The following DLG2 variants were observed in gnomAD, a reference collection of about 807,000 sequenced individuals.
DLG2 encodes discs large MAGUK scaffold protein 2.
DLG2 carries 45 observed loss-of-function variants against 132.5 expected under a neutral mutation model. The ratio of observed to expected loss-of-function variants is 0.34; its 90% CI spans 0.27 to 0.44. The LOEUF (loss-of-function observed/expected upper bound fraction) is 0.44, where lower values mean the gene tolerates loss of function less well. Ranked by LOEUF, DLG2 falls within the 20% of genes least tolerant of loss-of-function variation. The pLI, the probability that DLG2 is intolerant of heterozygous loss-of-function variation, is 1.00. For missense variants in DLG2, 1,045 were observed against 1,196.9 expected (o/e 0.87, Z 1.87); for synonymous variants, 424 against 419.6 (o/e 1.01, Z -0.13).
intron 11 of DLG2, among the ~76,000 whole-genome samples, chr11:83,995,208 A>G (rs1418580785): frequency 1.3e-5 from 2 of 152,136 alleles, no homozygotes; most frequent in African/African-American, 4.8e-5. Context: ...CAAGGATTTC[A>G]CAGACCAATG....
At chr11:85,497,840 G>A (rs528201059) in intron 3 of DLG2, among the ~76,000 whole-genome samples, 10 of 152,306 alleles carry the variant, frequency 6.6e-5, no homozygotes, top group African/African-American at 2.2e-4. Flanking sequence ...AGCTTCATAA[G>A]TGAAGGGGAA....
intron 17 of DLG2, among the ~76,000 whole-genome samples, chr11:83,827,150 C>G (rs1479976781): frequency 6.6e-6 from 1 of 152,096 alleles, no homozygotes; most frequent in African/African-American, 2.4e-5. Flanking sequence ...ATATGAGGAC[C>G]ACTTCAGGAA....
At chr11:85,056,666 T>C (rs939437844) in intron 6 of DLG2, among the ~76,000 whole-genome samples, 6 of 151,728 alleles carry the variant, frequency 4.0e-5, no homozygotes, top group Non-Finnish European at 8.8e-5. Context: ...AAATCCCAAG[T>C]AGGGAAAGTA....
At chr11:84,537,296 G>A (rs183014055) in intron 6 of DLG2, among the ~76,000 whole-genome samples, 61 of 151,930 alleles carry the variant, frequency 4.0e-4, no homozygotes, top group Middle Eastern at 3.4e-3. Context: ...TAGTAGAGCC[G>A]GGGTTTCACC....
intron 6 of DLG2, among the ~76,000 whole-genome samples, chr11:84,751,343 G>A (rs1298205786): frequency 6.6e-6 from 1 of 152,004 alleles, no homozygotes; most frequent in Non-Finnish European, 1.5e-5. Context: ...TTTTTTATAT[G>A]AAGAAACCAA....
At chr11:84,725,444 T>A (rs532202380) in intron 6 of DLG2, among the ~76,000 whole-genome samples, 1 of 152,290 alleles carries the variant, frequency 6.6e-6, no homozygotes, top group East Asian at 1.9e-4. Flanking sequence ...TTTCATTTAA[T>A]CTTTAGTAGA....
At chr11:83,460,232 C>T (rs1275481115) in intron 27 of DLG2, among the ~76,000 whole-genome samples, 1 of 152,248 alleles carries the variant, frequency 6.6e-6, no homozygotes, top group African/African-American at 2.4e-5. Flanking sequence ...TTTATGGGTG[C>T]CTACTCTGAG....
chr11:84,318,101 T>C (rs2098379077), intron 7 of DLG2, among the ~76,000 whole-genome samples: 1 of 152,208 alleles, frequency 6.6e-6, no homozygotes, highest in Non-Finnish European at 1.5e-5. Context: ...AAGTGAAAGA[T>C]GCATCCAACT....
chr11:84,032,611 C>G (rs79866030), intron 11 of DLG2, among the ~76,000 whole-genome samples: 7 of 152,074 alleles, frequency 4.6e-5, no homozygotes, highest in Admixed American at 2.6e-4. Flanking sequence ...GCAAGTTATC[C>G]AGAAGATCTA....
chr11:85,573,458 T>C (rs2077966708), intron 3 of DLG2, among the ~76,000 whole-genome samples: 1 of 152,160 alleles, frequency 6.6e-6, no homozygotes, highest in Admixed American at 6.6e-5. Context: ...GTGACTATAG[T>C]AGAATCAAGA....
chr11:85,626,063 C>T (rs780852682), intron 2 of DLG2, among the ~76,000 whole-genome samples: 5 of 152,280 alleles, frequency 3.3e-5, no homozygotes, highest in Middle Eastern at 3.4e-3. Flanking sequence ...ACAATAGTCA[C>T]GAAAGTTGTG....
intron 7 of DLG2, among the ~76,000 whole-genome samples, chr11:84,534,286 A>T (rs2099350290): frequency 6.6e-6 from 1 of 152,182 alleles, no homozygotes. Flanking sequence ...GTTTAAAAAT[A>T]TGTGGTTAGC....
chr11:84,365,766 T>C (rs1232787522), intron 7 of DLG2, among the ~76,000 whole-genome samples: 1 of 152,070 alleles, frequency 6.6e-6, no homozygotes, highest in Admixed American at 6.6e-5. Context: ...CCTTTCGTTA[T>C]GTACCCAGTA....
intron 15 of DLG2, among the ~76,000 whole-genome samples, chr11:83,919,433 T>C (rs2077469998): frequency 6.6e-6 from 1 of 152,100 alleles, no homozygotes; most frequent in African/African-American, 2.4e-5. Context: ...TGGAAAAAAA[T>C]CAGGCTGGAT....
chr11:84,984,323 T>TA (rs2056184844), intron 6 of DLG2, among the ~76,000 whole-genome samples: 2 of 152,332 alleles, frequency 1.3e-5, no homozygotes, highest in East Asian at 3.9e-4. Context: ...TGGGACTCTA[T>TA]ATTCAGCCTC....
intron 19 of DLG2, among the ~76,000 whole-genome samples, chr11:83,600,236 GGT>G (rs57674131): frequency 1.4e-3 from 205 of 145,504 alleles, no homozygotes; most frequent in South Asian, 2.7e-3. Flanking sequence ...CTAGCTATAG[GGT>G]GTGTGTGTGT....
intron 10 of DLG2, among the ~76,000 whole-genome samples, chr11:84,062,200 G>T (rs1429591320): frequency 6.6e-6 from 1 of 152,208 alleles, no homozygotes; most frequent in African/African-American, 2.4e-5. Flanking sequence ...TCCTGAATAT[G>T]TGGATCAAGT....
intron 3 of DLG2, among the ~76,000 whole-genome samples, chr11:85,391,978 G>A (rs1335884518): frequency 6.6e-6 from 1 of 151,998 alleles, no homozygotes; most frequent in Admixed American, 6.6e-5. Context: ...CATCCAAATT[G>A]GTAATGAGGA....
rs944201861 is a variant in DLG2 at position 84,059,214 on chromosome 11, G to C, written c.919+101C>G. The C allele has an allele frequency of 2.5e-6, 3 of 1,177,178 alleles. No homozygotes were observed. In the African/African-American group the frequency reaches 4.7e-5, roughly 18 times the overall value. 72.9% of individuals were successfully genotyped at this position (1,177,178 alleles called of 1,614,324 possible). On this transcript the variant is annotated intron_variant, in intron 11 of 27. Coordinates refer to ENST00000376104, the MANE Select transcript of DLG2 (RefSeq NM_001142699.3). Reference sequence around the variant, plus strand: ...GATTTTAAATCTCTTGGTAAGCACTGAATGTCAGAGGTTAAAGAGTTCATC... The same window carrying C: ...GATTTTAAATCTCTTGGTAAGCACTCAATGTCAGAGGTTAAAGAGTTCATC...
Sources: allele counts gnomAD v4.1 joint callset (sites outside exome capture counted in the v4.1 genomes callset), GRCh38; gene constraint gnomAD v4.1.1; transcripts MANE v1.5; gene names NCBI Gene and HGNC (gene_info 2026-07-23, HGNC 2026-07-21).